CTNND2: variants seen among roughly 807,000 people sequenced by gnomAD.
The protein encoded by CTNND2 is catenin delta 2.
In CTNND2, 22 loss-of-function variants were observed where a neutral mutation model predicts 144.4. That is an observed-to-expected ratio of 0.15 (90% CI 0.11 to 0.22). The LOEUF (loss-of-function observed/expected upper bound fraction) is 0.22, where lower values mean the gene tolerates loss of function less well. Among genes scored for constraint, CTNND2 ranks in the 10% least tolerant of loss-of-function variants. The pLI, the probability that CTNND2 is intolerant of heterozygous loss-of-function variation, is 1.00. For missense variants in CTNND2, 1,353 were observed against 1,618.8 expected (o/e 0.84, Z 2.82); for synonymous variants, 751 against 695.6 (o/e 1.08, Z -1.25).
intron 3 of CTNND2, among the ~76,000 whole-genome samples, chr5:11,540,008 T>C (rs1434927060): frequency 6.6e-6 from 1 of 152,096 alleles, no homozygotes; most frequent in Non-Finnish European, 1.5e-5. Flanking sequence ...CACTCCAGCC[T>C]GGGCAACAGA....
chr5:11,078,579 C>G (rs770803514), intron 16 of CTNND2, among the ~76,000 whole-genome samples: 27 of 152,034 alleles, frequency 1.8e-4, no homozygotes, highest in Non-Finnish European at 3.2e-4. Context: ...AGCTGTCAAA[C>G]CAATCAATAG....
Position 11,219,590 on chromosome 5 carries a change from T to C in CTNND2, c.1761+17101A>G, listed in dbSNP as rs1486484856. 2.0e-5 allele frequency among the ~76,000 whole-genome samples: 3 copies of C among 152,282 alleles called. No homozygotes were observed. In the East Asian group the frequency reaches 5.8e-4, roughly 29 times the overall value. ...TGATTAAGAAACTTGAGATGGGACA[T>C]TTGTTCTGGATTATCTGGATGGTCC... On this transcript the variant is annotated intron_variant, in intron 10 of 21. Transcript: ENST00000304623.
At chr5:11,432,292 A>G (rs1356252772) in intron 3 of CTNND2, among the ~76,000 whole-genome samples, 2 of 149,234 alleles carry the variant, frequency 1.3e-5, no homozygotes, top group African/African-American at 2.5e-5. Flanking sequence ...AAAAAAAAAA[A>G]GAGACCCAAA....
At chr5:11,241,030 C>A (rs537142991) in intron 9 of CTNND2, among the ~76,000 whole-genome samples, 49 of 147,280 alleles carry the variant, frequency 3.3e-4, no homozygotes, top group Non-Finnish European at 5.1e-4. Flanking sequence ...ACACACACAC[C>A]CACCCCAACA....
At chr5:11,789,423 A>T (rs1476683373) in intron 1 of CTNND2, among the ~76,000 whole-genome samples, 1 of 152,080 alleles carries the variant, frequency 6.6e-6, no homozygotes, top group Non-Finnish European at 1.5e-5. Context: ...CTTCTATGAA[A>T]TTTATCTCCT....
Position 11,204,102 on chromosome 5 carries a change from C to T in CTNND2, c.1762-4441G>A, listed in dbSNP as rs76503847. ...CTGTGCACTTCAGGAATCTAGATGT[C>T]GAGAGTAATCTACAAGGAGTAAGGG... On this transcript the variant is annotated intron_variant, in intron 10 of 21. Coordinates refer to ENST00000304623, the MANE Select transcript of CTNND2 (RefSeq NM_001332.4). 8.4e-3 allele frequency among the ~76,000 whole-genome samples: 1,284 copies of T among 152,230 alleles called. 10 individuals are homozygous for T. The highest frequency in any genetic ancestry group is 0.012 in the Non-Finnish European group (831 of 68,008).
intron 1 of CTNND2, among the ~76,000 whole-genome samples, chr5:11,837,844 T>C (rs1196583893): frequency 2.6e-5 from 4 of 152,216 alleles, no homozygotes; most frequent in Non-Finnish European, 5.9e-5. Context: ...ACAAAGTAGT[T>C]GGTTATTGAA....
intron 10 of CTNND2, among the ~76,000 whole-genome samples, chr5:11,213,743 G>A (rs551176534): frequency 3.3e-5 from 5 of 152,200 alleles, no homozygotes; most frequent in African/African-American, 1.2e-4. Context: ...CAGAAATTCT[G>A]AAGGCTCACA....
intron 9 of CTNND2, among the ~76,000 whole-genome samples, chr5:11,257,638 CCA>C (rs1744406134): frequency 6.6e-6 from 1 of 152,128 alleles, no homozygotes; most frequent in African/African-American, 2.4e-5. Context: ...CAATTACCTC[CCA>C]CTAGGTTTCT....
At chr5:11,073,554 T>G (rs1019337875) in intron 16 of CTNND2, among the ~76,000 whole-genome samples, 1 of 152,238 alleles carries the variant, frequency 6.6e-6, no homozygotes. Context: ...TCTTATTTAA[T>G]AGAATAATGA....
chr5:11,314,964 A>G (rs764709502), intron 9 of CTNND2, among the ~76,000 whole-genome samples: 3 of 152,240 alleles, frequency 2.0e-5, no homozygotes, highest in Non-Finnish European at 4.4e-5. Context: ...ATTGCAAGAA[A>G]CATACTATAC....
At chr5:11,007,861 T>G (rs1238125802) in intron 18 of CTNND2, among the ~76,000 whole-genome samples, 1 of 152,240 alleles carries the variant, frequency 6.6e-6, no homozygotes, top group South Asian at 2.1e-4. Context: ...TTCTTCACTT[T>G]CGCACCGTGT....
intron 18 of CTNND2, among the ~76,000 whole-genome samples, chr5:11,003,220 G>T (rs924008881): frequency 6.6e-6 from 1 of 152,106 alleles, no homozygotes; most frequent in Admixed American, 6.5e-5. Flanking sequence ...AAAGAAAAGT[G>T]TGGCAAAAAT....
At chr5:11,067,239 G>C (rs574346721) in intron 16 of CTNND2, among the ~76,000 whole-genome samples, 1 of 152,342 alleles carries the variant, frequency 6.6e-6, no homozygotes, top group South Asian at 2.1e-4. Flanking sequence ...TGTTTAAGAA[G>C]TGATACGTAG....
At chr5:11,689,831 A>G (rs1784814777) in intron 2 of CTNND2, among the ~76,000 whole-genome samples, 1 of 152,204 alleles carries the variant, frequency 6.6e-6, no homozygotes, top group South Asian at 2.1e-4. Flanking sequence ...GAGACTGCTG[A>G]TCCCATCATC....
chr5:11,260,397 G>C (rs1394761812), intron 9 of CTNND2, among the ~76,000 whole-genome samples: 2 of 151,886 alleles, frequency 1.3e-5, no homozygotes, highest in African/African-American at 4.8e-5. Context: ...AAGAAAAAAG[G>C]CTTAAAAGCA....
At chr5:10,984,741 C>T (rs558936026) in intron 20 of CTNND2, among the ~76,000 whole-genome samples, 27 of 152,270 alleles carry the variant, frequency 1.8e-4, no homozygotes, top group African/African-American at 6.3e-4. Flanking sequence ...ATACCCAATT[C>T]CCAACTGAAT....
intron 2 of CTNND2, among the ~76,000 whole-genome samples, chr5:11,651,567 G>A (rs999627682): frequency 6.6e-6 from 1 of 152,194 alleles, no homozygotes; most frequent in Non-Finnish European, 1.5e-5. Context: ...TGCACTGTAT[G>A]CCTTGAAAAG....
At chr5:11,153,625 C>T (rs887658163) in intron 12 of CTNND2, among the ~76,000 whole-genome samples, 1 of 152,068 alleles carries the variant, frequency 6.6e-6, no homozygotes. Flanking sequence ...GTTAAAATGA[C>T]TAATTGAGGG....
Sources: gnomAD v4.1 joint callset for allele counts (sites outside exome capture counted in the v4.1 genomes callset) on GRCh38, gnomAD v4.1.1 for gene constraint, MANE v1.5 for transcripts, NCBI Gene and HGNC (gene_info 2026-07-23, HGNC 2026-07-21) for gene names.